The following SEC22C variants were observed in gnomAD, a reference collection of about 807,000 sequenced individuals.
SEC22C encodes the protein SEC22 homolog C, vesicle trafficking protein.
A neutral mutation model predicts 34.7 loss-of-function variants in SEC22C; 29 were observed. That is an observed-to-expected ratio of 0.84 (90% CI 0.62 to 1.14). SEC22C has a LOEUF of 1.14. SEC22C is among the 50% of genes most tolerant of loss of function. The pLI, the probability that SEC22C is intolerant of heterozygous loss-of-function variation, is 0.00. For synonymous variants in SEC22C, 117 were observed against 132.8 expected (o/e 0.88, Z 0.82); for missense variants, 337 against 369.0 (o/e 0.91, Z 0.71).
rs1200678790 is a variant in SEC22C at position 42,557,487 on chromosome 3, C to A, written c.645+91G>T. 4 of 553,074 alleles carry A rather than the reference C, an allele frequency of 7.2e-6. No homozygotes were observed. The East Asian group carries it at 9.3e-5, about 13-fold the overall frequency. The allele number at this position is 553,074 out of a possible 1,614,324, so 34.3% of individuals were successfully genotyped here. ...ATATTAGTTTTGAAAAATTATAAAA[C>A]CTCAGTTTTATAGATAAAATGTATC... On this transcript the variant is annotated intron_variant, in intron 5 of 6. Transcript: ENST00000264454.
At chr3:42,566,247 C>T (rs1022989719) in intron 2 of SEC22C, among the ~76,000 whole-genome samples, 12 of 152,156 alleles carry the variant, frequency 7.9e-5, no homozygotes, top group Non-Finnish European at 1.6e-4. Context: ...TTATTTGTCA[C>T]CCCCTTCAGG....
intron 1 of SEC22C, among the ~76,000 whole-genome samples, chr3:42,597,934 T>G (rs1290442822): frequency 1.3e-5 from 2 of 152,192 alleles, no homozygotes; most frequent in Non-Finnish European, 2.9e-5. Flanking sequence ...ATAACAAGTG[T>G]TGGTGATGAT....
At chr3:42,585,956 T>G (rs1156916187), upstream of SEC22C, among the ~76,000 whole-genome samples, 1 of 151,576 alleles carries the variant, frequency 6.6e-6, no homozygotes, top group African/African-American at 2.4e-5. Context: ...CCTCCCCCGC[T>G]TGCTCTCCCA....
In SEC22C at chr3:42,548,110, A is replaced by G. The variant is rs988524732; in HGVS notation, c.*5138T>C. On this transcript the variant is annotated 3_prime_UTR_variant, in exon 7 of 7. Coordinates refer to ENST00000264454, the MANE Select transcript of SEC22C (RefSeq NM_032970.4). Reference sequence around the variant, plus strand: ...CTGAGTTTGTTAAAATGTACCCATTATTTACTCAAAATATTTATTGTTACA... The same window carrying G: ...CTGAGTTTGTTAAAATGTACCCATTGTTTACTCAAAATATTTATTGTTACA... 1 of 154,034 alleles carries G rather than the reference A, an allele frequency of 6.5e-6. No homozygotes were observed. The highest frequency in any genetic ancestry group is 1.4e-5 in the Non-Finnish European group (1 of 69,224). 9.5% of individuals were successfully genotyped at this position (154,034 alleles called of 1,614,324 possible).
chr3:42,558,765 C>A (rs1276776037), intron 4 of SEC22C, among the ~76,000 whole-genome samples: 2 of 151,912 alleles, frequency 1.3e-5, no homozygotes, highest in Non-Finnish European at 2.9e-5. Flanking sequence ...GTACTTCAGC[C>A]TGGGCGACAG....
chr3:42,595,898 T>G (rs1577378726), intron 1 of SEC22C, among the ~76,000 whole-genome samples: 1 of 152,364 alleles, frequency 6.6e-6, no homozygotes, highest in East Asian at 1.9e-4. Context: ...ATCTGCCTCC[T>G]GAGGTTGTGA....
chr3:42,571,481 C>T (rs1703623940), intron 1 of SEC22C, among the ~76,000 whole-genome samples: 1 of 152,130 alleles, frequency 6.6e-6, no homozygotes, highest in South Asian at 2.1e-4. Context: ...TGTGAATGTA[C>T]AGGATGGCAG....
chr3:42,562,005 G>A (rs1702948173), intron 3 of SEC22C, among the ~76,000 whole-genome samples: 1 of 151,404 alleles, frequency 6.6e-6, no homozygotes, highest in Non-Finnish European at 1.5e-5. Context: ...AAAAAAAAGG[G>A]CTTGTTTGAA....
Position 42,557,656 on chromosome 3 carries a change from G to C in SEC22C, c.567C>G (p.Ile189Met). ...FRMEPVTALG[I>M]LSLILNIMCA... ...ACATGATGTTGAGAATGAGGGAGAGGATACCCAGGGCTGTCACTGGTTCCA... is the reference window on the plus strand; with the variant it reads ...ACATGATGTTGAGAATGAGGGAGAGCATACCCAGGGCTGTCACTGGTTCCA... The change falls in exon 5 of 7, where the codon ATC becomes ATG. Residue 189 changes from isoleucine to methionine, a missense_variant. Ile to Met is a conservative substitution (Grantham distance 10). Coordinates refer to ENST00000264454, the MANE Select transcript of SEC22C (RefSeq NM_032970.4). 3 of 1,611,610 alleles carry C rather than the reference G, an allele frequency of 1.9e-6. No individual in the cohort carries two copies. The highest frequency in any genetic ancestry group is 2.5e-6 in the Non-Finnish European group (3 of 1,178,208).
intron 1 of SEC22C, chr3:42,591,670 T>C: frequency 9.4e-7 from 1 of 1,059,506 alleles, no homozygotes; most frequent in South Asian, 1.3e-5. Flanking sequence ...CGGTGCTTTC[T>C]CGAACTAAGA....
At chr3:42,570,751 GTTCTATC>G in intron 1 of SEC22C, among the ~76,000 whole-genome samples, 1 of 152,244 alleles carries the variant, frequency 6.6e-6, no homozygotes, top group South Asian at 2.1e-4. Flanking sequence ...GATTCCTTTT[GTTCTATC>G]TTCTATACTT....
chr3:42,580,380 C>A (rs1704256054), intron 1 of SEC22C: 1 of 152,170 alleles, frequency 6.6e-6, no homozygotes, highest in Admixed American at 6.5e-5. Flanking sequence ...ATACAGAATA[C>A]AGAAGACTCA....
intron 1 of SEC22C, chr3:42,591,328 A>G: frequency 1.7e-6 from 1 of 595,160 alleles, no homozygotes; most frequent in Non-Finnish European, 3.0e-6. Context: ...CCTCCTGAGT[A>G]GCTGGGATTA....
In SEC22C at chr3:42,600,993, C is replaced by T. The variant is rs768759271; in HGVS notation, c.-61G>A. 7 of 1,557,766 alleles carry T rather than the reference C, an allele frequency of 4.5e-6. No homozygotes were observed. In the Admixed American group the frequency reaches 1.3e-4, roughly 30 times the overall value. Reference sequence around the variant, plus strand: ...TCCCCCTCTCTCCCAGCTCTTGCCGCCACCTCGGTCGCGATGGGGGCGCAG... The same window carrying T: ...TCCCCCTCTCTCCCAGCTCTTGCCGTCACCTCGGTCGCGATGGGGGCGCAG... On this transcript the variant is annotated 5_prime_UTR_variant, in exon 1 of 7. Transcript: ENST00000417572.
intron 1 of SEC22C, among the ~76,000 whole-genome samples, chr3:42,571,505 TAA>T (rs1168420419): frequency 1.3e-5 from 2 of 152,228 alleles, no homozygotes; most frequent in Non-Finnish European, 2.9e-5. Context: ...CCTGAAGGGT[TAA>T]AAGATTTTAT....
chr3:42,570,030 G>A (rs776003640), intron 1 of SEC22C, among the ~76,000 whole-genome samples: 9 of 152,248 alleles, frequency 5.9e-5, no homozygotes, highest in African/African-American at 9.6e-5. Flanking sequence ...TCCACACATC[G>A]TATTTCACAA....
At position 42,557,656 on chromosome 3, in the gene SEC22C, G is replaced by A. The variant is rs764197020; in HGVS notation, c.567C>T (p.Ile189=). Residue 189 remains isoleucine, a synonymous_variant, in exon 5 of 7, where the codon ATC becomes ATT. Coordinates refer to ENST00000264454, the MANE Select transcript of SEC22C (RefSeq NM_032970.4). ...ACATGATGTTGAGAATGAGGGAGAG[G>A]ATACCCAGGGCTGTCACTGGTTCCA... is the stretch of plus-strand genomic sequence containing the variant. ...FRMEPVTALG[I]LSLILNIMCA... 6.2e-7 allele frequency: 1 copy of A among 1,611,610 alleles called. No homozygotes were observed. Among genetic ancestry groups the A allele is most frequent in the Non-Finnish European group, 8.5e-7 (1 of 1,178,208 alleles).
At chr3:42,577,428 C>T (rs1195348571) in intron 1 of SEC22C, among the ~76,000 whole-genome samples, 3 of 152,054 alleles carry the variant, frequency 2.0e-5, no homozygotes, top group African/African-American at 7.2e-5. Flanking sequence ...TGAAAAAACA[C>T]AAACAATCCA....
In SEC22C at chr3:42,555,927, C is replaced by G; in HGVS notation, c.711+3G>C. 8.1e-6 allele frequency: 13 copies of G among 1,612,246 alleles called. No individual in the cohort carries two copies. Among genetic ancestry groups the G allele is most frequent in the Non-Finnish European group, 1.1e-5 (13 of 1,178,490 alleles). On this transcript the variant is annotated splice_donor_region_variant and intron_variant, in intron 6 of 6. Coordinates refer to ENST00000264454, the MANE Select transcript of SEC22C (RefSeq NM_032970.4). ...CCACTGACCAAAATATCGTTTCACC[C>G]ACCTGGAAAATGCAGGCTACGAAAG...
Sources: allele counts gnomAD v4.1 joint callset (sites outside exome capture counted in the v4.1 genomes callset), GRCh38; gene constraint gnomAD v4.1.1; transcripts MANE v1.5; gene names NCBI Gene and HGNC (gene_info 2026-07-23, HGNC 2026-07-21).